SPIDR: variants seen among roughly 807,000 people sequenced by gnomAD.
SPIDR encodes DNA repair-scaffolding protein.
SPIDR carries 93 observed loss-of-function variants against 104.6 expected under a neutral mutation model. The ratio of observed to expected loss-of-function variants is 0.89; its 90% confidence interval spans 0.75 to 1.06. The LOEUF (loss-of-function observed/expected upper bound fraction) is 1.06. Ranked by LOEUF, SPIDR falls within the 50% of genes least tolerant of loss-of-function variation. The pLI, the probability that SPIDR is intolerant of heterozygous loss-of-function variation, is 0.00. For missense variants in SPIDR, 1,154 were observed against 1,111.2 expected (o/e 1.04, Z -0.55); for synonymous variants, 431 against 416.9 (o/e 1.03, Z -0.41).
intron 14 of SPIDR, among the ~76,000 whole-genome samples, chr8:47,703,872 T>A (rs544579446): frequency 6.6e-6 from 1 of 152,244 alleles, no homozygotes; most frequent in Non-Finnish European, 1.5e-5. Flanking sequence ...GTGCGGTGTG[T>A]GTCAGGGAGA....
chr8:47,662,540 G>A (rs1003127729), intron 10 of SPIDR, among the ~76,000 whole-genome samples: 6 of 152,148 alleles, frequency 3.9e-5, no homozygotes, highest in Non-Finnish European at 7.3e-5. Flanking sequence ...TAAGGAGACT[G>A]TCTAAAAGTT....
At chr8:47,463,211 A>AT (rs1554714675) in intron 8 of SPIDR, among the ~76,000 whole-genome samples, 1 of 151,954 alleles carries the variant, frequency 6.6e-6, no homozygotes, top group Non-Finnish European at 1.5e-5. Flanking sequence ...TACAAAAAAA[A>AT]TTAGCTGGGC....
chr8:47,587,912 A>G (rs1320969236), intron 8 of SPIDR, among the ~76,000 whole-genome samples: 2 of 150,764 alleles, frequency 1.3e-5, no homozygotes, highest in African/African-American at 2.4e-5. Context: ...TGGTTATTAT[A>G]GTTATAAAAT....
chr8:47,386,892 AAGAG>A (rs376045910), intron 5 of SPIDR, among the ~76,000 whole-genome samples: 17 of 70,670 alleles, frequency 2.4e-4, no homozygotes, highest in African/African-American at 7.1e-4. Flanking sequence ...GAGAGAGAGA[AAGAG>A]AGAGAGAGAT....
chr8:47,411,696 T>G (rs1280273216), intron 7 of SPIDR, among the ~76,000 whole-genome samples: 5 of 152,200 alleles, frequency 3.3e-5, no homozygotes, highest in African/African-American at 9.6e-5. Flanking sequence ...TTGTTGCCAT[T>G]GCTTTTGGTG....
At chr8:47,466,905 A>G (rs2074909980) in intron 8 of SPIDR, among the ~76,000 whole-genome samples, 1 of 125,688 alleles carries the variant, frequency 8.0e-6, no homozygotes, top group Non-Finnish European at 1.6e-5. Flanking sequence ...AAAAAAATAT[A>G]TATATATATA....
chr8:47,592,419 G>A (rs1455634479), intron 8 of SPIDR: 1 of 1,433,428 alleles, frequency 7.0e-7, no homozygotes. Context: ...CTGCCATTGA[G>A]TATTCTTCTG....
At chr8:47,307,894 G>C (rs2043380900) in intron 5 of SPIDR, among the ~76,000 whole-genome samples, 2 of 152,010 alleles carry the variant, frequency 1.3e-5, no homozygotes, top group Non-Finnish European at 2.9e-5. Context: ...TGGAAGGTCT[G>C]CCATCAGGTC....
intron 16 of SPIDR, among the ~76,000 whole-genome samples, chr8:47,723,424 CT>C (rs1172759816): frequency 0.025 from 3,277 of 129,332 alleles, 17 homozygotes; most frequent in Non-Finnish European, 0.035. Flanking sequence ...ATCAATTATA[CT>C]TTTTTTTTTT....
intron 10 of SPIDR, among the ~76,000 whole-genome samples, chr8:47,640,206 G>T (rs1467078050): frequency 6.6e-6 from 1 of 152,152 alleles, no homozygotes; most frequent in Admixed American, 6.5e-5. Flanking sequence ...AACACCCTGA[G>T]ATCTTTTGTT....
rs114617457 is a variant in SPIDR, at chr8:47,459,559, G to A, written c.1097+19017G>A. Among the ~76,000 whole-genome samples, 466 of 151,836 alleles carry A rather than the reference G, an allele frequency of 3.1e-3. 1 individual carries two copies. Among genetic ancestry groups the A allele is most frequent in the African/African-American group, 0.011 (455 of 41,476 alleles). ...GGTTAATCTTGCTAATGATCTGTCA[G>A]TTTATCTTTTCAAAGAACCAGCTTT... On this transcript the variant is annotated intron_variant, in intron 8 of 19. Transcript: ENST00000297423.
At chr8:47,477,230 C>T (rs905404467) in intron 8 of SPIDR, among the ~76,000 whole-genome samples, 3 of 151,802 alleles carry the variant, frequency 2.0e-5, no homozygotes, top group Middle Eastern at 3.4e-3. Flanking sequence ...GACAGAGTCT[C>T]GCTCTGTTGC....
At position 47,441,918 on chromosome 8, in the gene SPIDR, A is replaced by T. The variant is rs148621593; in HGVS notation, c.1097+1376A>T. 2.8e-3 allele frequency among the ~76,000 whole-genome samples: 421 copies of T among 152,232 alleles called. 1 individual carries two copies. Among genetic ancestry groups the T allele is most frequent in the African/African-American group, 9.9e-3 (412 of 41,562 alleles). On this transcript the variant is annotated intron_variant, in intron 8 of 19. Coordinates refer to ENST00000297423, the MANE Select transcript of SPIDR (RefSeq NM_001080394.4). ...ATTGAACATTCTGTTTTTTCTTCAT[A>T]CAATTTTAATGCTGCCTTTATCATG...
intron 7 of SPIDR, among the ~76,000 whole-genome samples, chr8:47,438,094 C>T (rs2068701107): frequency 6.6e-6 from 1 of 152,222 alleles, no homozygotes; most frequent in South Asian, 2.1e-4. Context: ...CTGAAGAGAG[C>T]TTGTGCTGCT....
At chr8:47,331,869 TGAGA>T (rs1323734955) in intron 5 of SPIDR, among the ~76,000 whole-genome samples, 3 of 151,326 alleles carry the variant, frequency 2.0e-5, no homozygotes, top group Non-Finnish European at 4.4e-5. Context: ...TATTTTTTTT[TGAGA>T]GAGAGTCTCT....
intron 5 of SPIDR, among the ~76,000 whole-genome samples, chr8:47,313,093 T>A (rs1465040615): frequency 6.6e-6 from 1 of 152,182 alleles, no homozygotes; most frequent in African/African-American, 2.4e-5. Context: ...ATAAAGGGTA[T>A]TCAATTAGGA....
intron 10 of SPIDR, among the ~76,000 whole-genome samples, chr8:47,662,690 A>G (rs1588960182): frequency 6.6e-6 from 1 of 152,220 alleles, no homozygotes; most frequent in Non-Finnish European, 1.5e-5. Flanking sequence ...AATGCAATAA[A>G]TAGTCTTTCC....
Position 47,638,889 on chromosome 8 carries a change from G to A in SPIDR, c.1545-34912G>A, listed in dbSNP as rs376180765. Among the ~76,000 whole-genome samples the A allele has an allele frequency of 1.4e-4, 21 of 152,078 alleles. No individual in the cohort carries two copies. In the East Asian group the frequency reaches 1.5e-3, roughly 11 times the overall value. On this transcript the variant is annotated intron_variant, in intron 10 of 19. Transcript: ENST00000297423. ...CTCTAAATCATTTCAGGATATCATC[G>A]GCATGAACGGTTCCTATTCAAAATA...
chr8:47,484,855 A>G (rs1341249053), intron 8 of SPIDR, among the ~76,000 whole-genome samples: 3 of 152,210 alleles, frequency 2.0e-5, no homozygotes, highest in African/African-American at 7.2e-5. Flanking sequence ...AAACAGATCC[A>G]GACCCGGACG....
Sources: gnomAD v4.1 joint callset for allele counts (sites outside exome capture counted in the v4.1 genomes callset) on GRCh38, gnomAD v4.1.1 for gene constraint, MANE v1.5 for transcripts, NCBI Gene and HGNC (gene_info 2026-07-23, HGNC 2026-07-21) for gene names.